Variants in SCLT1 observed in about 807,000 individuals in gnomAD.
SCLT1 encodes the protein sodium channel and clathrin linker 1.
A neutral mutation model predicts 112.8 loss-of-function variants in SCLT1; 78 were observed. The observed-to-expected ratio is 0.69, with a 90% CI of 0.58 to 0.83. The LOEUF is 0.83. Ranked by LOEUF, SCLT1 falls within the 40% of genes least tolerant of loss-of-function variation. SCLT1 has a pLI of 0.00. For synonymous variants in SCLT1, 257 were observed against 254.7 expected, an observed-to-expected ratio of 1.01 and a Z score of -0.09; for missense variants, 747 against 770.4, an observed-to-expected ratio of 0.97 and a Z score of 0.36.
At position 129,031,599 on chromosome 4, in the gene SCLT1, G is replaced by A. The variant is rs773393297; in HGVS notation, c.290+7442C>T. ...GCCCAGAAACTCCTTAAGCTGATAA[G>A]CAACTTCAGCAAAGTCTCAGGATAC... is the stretch of plus-strand genomic sequence containing the variant. On this transcript the variant is annotated intron_variant, in intron 5 of 20. Transcript: ENST00000281142. Among the ~76,000 whole-genome samples, 61 of 152,126 alleles carry A rather than the reference G, an allele frequency of 4.0e-4. 1 individual carries two copies. The highest frequency in any genetic ancestry group is 1.0e-4 in the Non-Finnish European group (7 of 68,036).
At chr4:129,033,577 T>G (rs1746937722) in intron 5 of SCLT1, among the ~76,000 whole-genome samples, 2 of 93,418 alleles carry the variant, frequency 2.1e-5, no homozygotes, top group Non-Finnish European at 4.6e-5. Context: ...TTGGATAATA[T>G]AAAAATGAAA....
chr4:128,969,419 A>C (rs1352539370), intron 10 of SCLT1, among the ~76,000 whole-genome samples: 3 of 151,966 alleles, frequency 2.0e-5, no homozygotes, highest in Non-Finnish European at 4.4e-5. Context: ...AAAAATACAA[A>C]AAATTAGCCA....
At chr4:129,054,723 T>C (rs1561024811) in intron 2 of SCLT1, among the ~76,000 whole-genome samples, 1 of 152,136 alleles carries the variant, frequency 6.6e-6, no homozygotes, top group Non-Finnish European at 1.5e-5. Flanking sequence ...GAGGAGTTTA[T>C]TACCCACCCT....
chr4:129,078,574 C>G (rs1159354183), intron 2 of SCLT1, among the ~76,000 whole-genome samples: 1 of 151,846 alleles, frequency 6.6e-6, no homozygotes, highest in African/African-American at 2.4e-5. Context: ...ATGGTTATAA[C>G]AGCAAATAGT....
chr4:129,025,573 C>T (rs1361666388), intron 5 of SCLT1, among the ~76,000 whole-genome samples: 5 of 152,072 alleles, frequency 3.3e-5, no homozygotes, highest in African/African-American at 7.2e-5. Context: ...AAGGAACAAC[C>T]GGTACCAGCC....
At chr4:128,894,334 G>A (rs1253610668) in intron 18 of SCLT1, among the ~76,000 whole-genome samples, 1 of 149,376 alleles carries the variant, frequency 6.7e-6, no homozygotes, top group East Asian at 2.0e-4. Flanking sequence ...CAACATGGCA[G>A]GCAAATAATG....
In SCLT1 at chr4:129,012,992, T is replaced by C. The variant is rs1462013118; in HGVS notation, c.291-9116A>G. ...TGCCATTCTGTGTCTTTTTTTGCTT[T>C]TTAACTTTTATTTTAGTTTTGGGGT... On this transcript the variant is annotated intron_variant, in intron 5 of 20. Coordinates refer to ENST00000281142, the MANE Select transcript of SCLT1 (RefSeq NM_144643.4). Among the ~76,000 whole-genome samples the C allele has an allele frequency of 3.3e-5, 5 of 152,264 alleles. No individual in the cohort carries two copies. The South Asian group carries it at 1.0e-3, about 32-fold the overall frequency.
At chr4:129,037,292 C>A (rs1206428129) in intron 5 of SCLT1, 1 of 152,192 alleles carries the variant, frequency 6.6e-6, no homozygotes. Context: ...CACATTCTGG[C>A]CTCTGTCCCA....
At chr4:128,882,815 ATATT>A (rs965526079), downstream of SCLT1, among the ~76,000 whole-genome samples, 2 of 152,000 alleles carry the variant, frequency 1.3e-5, no homozygotes, top group African/African-American at 4.8e-5. Flanking sequence ...TGAGGAACTG[ATATT>A]TGAGTAGAGA....
rs1253967020 is a variant in SCLT1 at position 128,888,711 on chromosome 4, CCTGA to C, written c.1968_1971del (p.Ser656ArgfsTer15). The C allele has an allele frequency of 6.2e-7, 1 of 1,612,714 alleles. No individual in the cohort carries two copies. The highest frequency in any genetic ancestry group is 2.2e-5 in the East Asian group (1 of 44,834). Reference sequence around the variant, plus strand: ...GAAGCTGAAGCAGCTCTCTCTTCTGCCTGACTTAGACGCCTTTGAAGTCTGTTGG... The same window carrying C: ...GAAGCTGAAGCAGCTCTCTCTTCTGCCTTAGACGCCTTTGAAGTCTGTTGG... On this transcript the variant is annotated frameshift_variant, in exon 20 of 21. Transcript: ENST00000281142. LOFTEE classifies it high-confidence loss of function.
Position 128,903,297 on chromosome 4 carries a change from G to A in SCLT1, c.1830-12160C>T, listed in dbSNP as rs188515405. Among the ~76,000 whole-genome samples the A allele has an allele frequency of 2.6e-4, 39 of 152,146 alleles. No individual in the cohort carries two copies. In the East Asian group the frequency reaches 6.4e-3, roughly 25 times the overall value. ...ACTAAGACATTATAACAGCTATGACGTCACTACGCAACAGGAATTTTTCAT... is the reference window on the plus strand; with the variant it reads ...ACTAAGACATTATAACAGCTATGACATCACTACGCAACAGGAATTTTTCAT... On this transcript the variant is annotated intron_variant, in intron 18 of 20. Transcript: ENST00000281142.
In SCLT1 at chr4:128,888,660, A is replaced by G; in HGVS notation, c.2004+19T>C. 6.8e-7 allele frequency: 1 copy of G among 1,464,742 alleles called. No individual in the cohort carries two copies. The highest frequency in any genetic ancestry group is 9.5e-7 in the Non-Finnish European group (1 of 1,048,470). 90.7% of individuals were successfully genotyped at this position (1,464,742 alleles called of 1,614,324 possible). A position where few individuals can be genotyped will look rare whatever the true frequency, so the allele number is the denominator to read the frequency against. On this transcript the variant is annotated intron_variant, in intron 20 of 20. Coordinates refer to ENST00000281142, the MANE Select transcript of SCLT1 (RefSeq NM_144643.4). The stretch of plus-strand genomic sequence containing the variant: ...TCTTTGAACTGTTTATTATCTAGGG[A>G]TAAGAGGATGCTCCCTACCTGCTGG...
At chr4:128,995,052 T>C (rs1190047165) in intron 8 of SCLT1, among the ~76,000 whole-genome samples, 1 of 152,130 alleles carries the variant, frequency 6.6e-6, no homozygotes, top group East Asian at 1.9e-4. Context: ...ATTACTTTTT[T>C]CCTGCTGTCT....
At chr4:129,020,273 A>C (rs896386418) in intron 5 of SCLT1, among the ~76,000 whole-genome samples, 1 of 152,198 alleles carries the variant, frequency 6.6e-6, no homozygotes, top group Non-Finnish European at 1.5e-5. Context: ...AAGGTCCTCC[A>C]TAAATACACT....
intron 18 of SCLT1, among the ~76,000 whole-genome samples, chr4:128,908,597 T>G (rs982037184): frequency 1.3e-5 from 2 of 152,154 alleles, no homozygotes; most frequent in Non-Finnish European, 2.9e-5. Context: ...ATTGAATAAT[T>G]AGATTCCTTT....
In SCLT1 at chr4:128,946,138, G is replaced by T; in HGVS notation, c.1308C>A (p.Gly436=). 1.2e-6 allele frequency: 2 copies of T among 1,604,190 alleles called. No individual in the cohort carries two copies. Among genetic ancestry groups the T allele is most frequent in the Non-Finnish European group, 8.5e-7 (1 of 1,171,782 alleles). Residue 436 remains glycine, a synonymous_variant, in exon 16 of 21, where the codon GGC becomes GGA. Transcript: ENST00000281142. ...TTCTGTAATCACTCTCATTTCCTCT[G>T]CCTTCACGGTAAATCTGCAGAAAAG... ...EEELEKIYRE[G]RGNESDYRKL...
At chr4:128,923,981 T>C (rs951453332) in intron 18 of SCLT1, among the ~76,000 whole-genome samples, 10 of 152,050 alleles carry the variant, frequency 6.6e-5, no homozygotes. Context: ...GTTAATTTTA[T>C]TATTTTTTAT....
At chr4:129,026,883 C>G (rs1325500243) in intron 5 of SCLT1, among the ~76,000 whole-genome samples, 2 of 152,164 alleles carry the variant, frequency 1.3e-5, no homozygotes, top group Non-Finnish European at 2.9e-5. Flanking sequence ...CCACTGATCT[C>G]ACAGAAATAC....
Position 129,003,775 on chromosome 4 carries a change from C to T in SCLT1, c.392G>A (p.Arg131Lys), listed in dbSNP as rs553825676. 3.1e-6 allele frequency: 5 copies of T among 1,610,538 alleles called. No individual in the cohort carries two copies. The South Asian group carries it at 5.5e-5, about 18-fold the overall frequency. The change falls in exon 6 of 21, where the codon AGA becomes AAA. Residue 131 changes from arginine to lysine, a missense_variant. Transcript: ENST00000281142. Reference protein sequence around the residue: ...TDIYADDETVRNLQEQLQLAN... With the variant: ...TDIYADDETVKNLQEQLQLAN... ...TAGCTGCAATTGTTCTTGAAGGTTT[C>T]TGACTGTTTCATCATCTGCATATAT...
Sources: allele counts gnomAD v4.1 joint callset (sites outside exome capture counted in the v4.1 genomes callset), GRCh38; gene constraint gnomAD v4.1.1; transcripts MANE v1.5; gene names NCBI Gene and HGNC (gene_info 2026-07-23, HGNC 2026-07-21).